Variants in DCLK2 observed in about 807,000 individuals in gnomAD.
DCLK2 encodes serine/threonine-protein kinase DCLK2.
In DCLK2, 31 loss-of-function variants were observed where a neutral mutation model predicts 78.4. The observed-to-expected ratio is 0.40, with a 90% confidence interval of 0.30 to 0.53. DCLK2 has a LOEUF of 0.53. Among genes scored for constraint, DCLK2 ranks in the 20% least tolerant of loss-of-function variants. The probability of loss-of-function intolerance (pLI) is 0.61; values close to 1 mark genes in which losing one functional copy is unlikely to be tolerated. For missense variants in DCLK2, 872 were observed against 973.7 expected (o/e 0.90, Z 1.39); for synonymous variants, 407 against 374.9 (o/e 1.09, Z -0.99).
Position 150,079,460 on chromosome 4 carries a change from G to T in DCLK2, c.421+12G>T. ...CGAGCTGCTGGAAGGTAGGAGGGGA[G>T]GGCGCCGCACGGCAGGTGCGGCGGA... On this transcript the variant is annotated intron_variant, in intron 1 of 15. Coordinates refer to ENST00000296550, the MANE Select transcript of DCLK2 (RefSeq NM_001040260.4). 1 of 1,478,308 alleles carries T rather than the reference G, an allele frequency of 6.8e-7. No individual in the cohort carries two copies. The highest frequency in any genetic ancestry group is 9.0e-7 in the Non-Finnish European group (1 of 1,112,544). The allele number at this position is 1,478,308 out of a possible 1,614,324, so 91.6% of individuals were successfully genotyped here.
intron 5 of DCLK2, among the ~76,000 whole-genome samples, chr4:150,214,958 A>AG (rs1340173873): frequency 6.7e-6 from 1 of 150,156 alleles, no homozygotes. Flanking sequence ...TGTCTCAAAA[A>AG]AAAAAAAAAA....
Position 150,122,483 on chromosome 4 carries a change from C to T in DCLK2, c.756+19671C>T, listed in dbSNP as rs552792717. ...ATGGATGAAGCTGGAAACCATCATTCTCAGCAAACTAACACAGGAAGAGAA... is the reference window on the plus strand; with the variant it reads ...ATGGATGAAGCTGGAAACCATCATTTTCAGCAAACTAACACAGGAAGAGAA... On this transcript the variant is annotated intron_variant, in intron 2 of 15. Transcript: ENST00000296550. Among the ~76,000 whole-genome samples the T allele has an allele frequency of 2.0e-5, 3 of 152,258 alleles. No homozygotes were observed. The South Asian group carries it at 6.2e-4, about 32-fold the overall frequency.
intron 2 of DCLK2, among the ~76,000 whole-genome samples, chr4:150,122,424 TA>T (rs533338992): frequency 6.6e-6 from 1 of 152,068 alleles, no homozygotes; most frequent in Non-Finnish European, 1.5e-5. Context: ...TATGCAGCCA[TA>T]AAAAAGTATG....
chr4:150,248,217 T>C, intron 13 of DCLK2, 88 bp from the exon 14 acceptor site: 2 of 1,136,510 alleles, frequency 1.8e-6, no homozygotes, highest in Non-Finnish European at 2.6e-6. Flanking sequence ...TTCTCTGAAG[T>C]GCTTGCCACA....
At chr4:150,214,062 A>T (rs999294439) in intron 5 of DCLK2, among the ~76,000 whole-genome samples, 6 of 152,254 alleles carry the variant, frequency 3.9e-5, no homozygotes, top group Non-Finnish European at 2.9e-5. Flanking sequence ...CTTGGTACAA[A>T]GTAGGATTCA....
At chr4:150,234,801 C>G (rs1361869300) in intron 10 of DCLK2, among the ~76,000 whole-genome samples, 1 of 150,470 alleles carries the variant, frequency 6.6e-6, no homozygotes, top group Non-Finnish European at 1.5e-5. Flanking sequence ...TGAACTCTAA[C>G]AAGGAATGGA....
In DCLK2 at chr4:150,170,348, T is replaced by C. The variant is rs77632108; in HGVS notation, c.757-22790T>C. 3.0e-3 allele frequency among the ~76,000 whole-genome samples: 458 copies of C among 152,262 alleles called. 17 individuals are homozygous for C. The East Asian group carries it at 0.074, about 24-fold the overall frequency. On this transcript the variant is annotated intron_variant, in intron 2 of 15. Coordinates refer to ENST00000296550, the MANE Select transcript of DCLK2 (RefSeq NM_001040260.4). ...CATGAGCCACCATGCCCGGCCAGTT[T>C]TTTTTTAAAAGAAAGAAAAAGATAA...
At chr4:150,148,180 G>T (rs1023083005) in intron 2 of DCLK2, among the ~76,000 whole-genome samples, 7 of 151,992 alleles carry the variant, frequency 4.6e-5, no homozygotes, top group African/African-American at 7.3e-5. Context: ...CCTGGGCAAT[G>T]TGGCAAAACC....
At chr4:150,253,337 C>T in intron 15 of DCLK2, 1 of 861,662 alleles carries the variant, frequency 1.2e-6, no homozygotes, top group South Asian at 1.3e-5. Context: ...AGGACCTTCC[C>T]ATCTGCTGTC....
intron 2 of DCLK2, among the ~76,000 whole-genome samples, chr4:150,146,750 G>A (rs1441804911): frequency 1.3e-5 from 2 of 152,132 alleles, no homozygotes; most frequent in East Asian, 3.9e-4. Context: ...AGATATATGA[G>A]TTCTGTAATT....
chr4:150,084,471 T>G (rs1441331637), intron 1 of DCLK2, among the ~76,000 whole-genome samples: 1 of 152,264 alleles, frequency 6.6e-6, no homozygotes, highest in Non-Finnish European at 1.5e-5. Flanking sequence ...TAAATCTGGT[T>G]GTCCCATCTC....
At position 150,175,034 on chromosome 4, in the gene DCLK2, T is replaced by G. The variant is rs28620333; in HGVS notation, c.757-18104T>G. On this transcript the variant is annotated intron_variant, in intron 2 of 15. Transcript: ENST00000296550. ...AAAATATATATATATATATATATAT[T>G]TATATATATTTATATATTTATATAT... Among the ~76,000 whole-genome samples the G allele has an allele frequency of 2.5e-4, 8 of 32,210 alleles. 1 individual carries two copies. Among genetic ancestry groups the G allele is most frequent in the African/African-American group, 7.9e-4 (7 of 8,866 alleles). The allele number at this position is 32,210 out of a possible 152,430, so 21.1% of individuals were successfully genotyped here.
At chr4:150,244,965 C>T (rs6841244) in intron 12 of DCLK2, among the ~76,000 whole-genome samples, 78,555 of 151,584 alleles carry the variant, frequency 0.52, 21,379 homozygotes, top group Non-Finnish European at 0.61. Context: ...ATTTGAGATT[C>T]CAGAAAAAAT....
chr4:150,103,745 T>A (rs1047478490), intron 2 of DCLK2, among the ~76,000 whole-genome samples: 5 of 152,220 alleles, frequency 3.3e-5, no homozygotes, highest in Non-Finnish European at 5.9e-5. Context: ...TCCAATTTTC[T>A]AAGACCAGAT....
intron 2 of DCLK2, among the ~76,000 whole-genome samples, chr4:150,178,267 C>G (rs1241125083): frequency 6.6e-6 from 1 of 152,168 alleles, no homozygotes; most frequent in Non-Finnish European, 1.5e-5. Flanking sequence ...AGTATTTGCT[C>G]TATCAACTTG....
intron 1 of DCLK2, among the ~76,000 whole-genome samples, chr4:150,092,923 C>T (rs1260871776): frequency 6.6e-6 from 1 of 151,996 alleles, no homozygotes; most frequent in Non-Finnish European, 1.5e-5. Context: ...CAACCTAGTA[C>T]TGGAAGTCTT....
At chr4:150,107,960 G>A (rs1195256565) in intron 2 of DCLK2, among the ~76,000 whole-genome samples, 1 of 152,070 alleles carries the variant, frequency 6.6e-6, no homozygotes, top group Non-Finnish European at 1.5e-5. Context: ...GACAGAGTGA[G>A]ATCCTGACTC....
Position 150,079,082 on chromosome 4 carries a change from C to A in DCLK2, c.55C>A (p.Pro19Thr). The change falls in exon 1 of 16, where the codon CCG (proline) becomes ACG (threonine). Residue 19 changes from proline (P) to threonine (T), a missense_variant. Around this residue, in one of 3 missense-constraint regions of DCLK2, gnomAD observed 567 missense variants for 593.4 expected, o/e 0.96. Coordinates refer to ENST00000296550, the MANE Select transcript of DCLK2 (RefSeq NM_001040260.4). ...GCACTTTGAGGAACGGGACAAAAGGCCGCGGCCGGGGTCGCGGAGAGGGGC... is the reference window on the plus strand; with the variant it reads ...GCACTTTGAGGAACGGGACAAAAGGACGCGGCCGGGGTCGCGGAGAGGGGC... ...LEHFEERDKR[P>T]RPGSRRGAPS... is the part of the protein sequence containing the mutation. 1 of 1,563,818 alleles carries A rather than the reference C, an allele frequency of 6.4e-7. No homozygotes were observed. Among genetic ancestry groups the A allele is most frequent in the Non-Finnish European group, 8.6e-7 (1 of 1,158,368 alleles).
chr4:150,167,810 A>C (rs556060874), intron 2 of DCLK2, among the ~76,000 whole-genome samples: 1 of 152,226 alleles, frequency 6.6e-6, no homozygotes, highest in Non-Finnish European at 1.5e-5. Context: ...GAGTGGGCTC[A>C]AGCATGTGCA....
Sources: allele counts gnomAD v4.1 joint callset (sites outside exome capture counted in the v4.1 genomes callset), GRCh38; gene constraint gnomAD v4.1.1; regional missense constraint gnomAD v4.1.1; transcripts MANE v1.5; gene names NCBI Gene and HGNC (gene_info 2026-07-23, HGNC 2026-07-21).